The following FLRT2 variants were observed in gnomAD, a reference collection of about 807,000 sequenced individuals.
The protein encoded by FLRT2 is leucine-rich repeat transmembrane protein FLRT2.
FLRT2 carries 15 observed loss-of-function variants against 40.0 expected under a neutral mutation model. The ratio of observed to expected loss-of-function variants is 0.38; its 90% confidence interval spans 0.25 to 0.58. The LOEUF (loss-of-function observed/expected upper bound fraction) is 0.58. Among genes scored for constraint, FLRT2 ranks in the 20% least tolerant of loss-of-function variants. The pLI is 0.71. For synonymous variants in FLRT2, 380 were observed against 336.8 expected, an observed-to-expected ratio of 1.13 and a Z score of -1.41; for missense variants, 726 against 840.0, an observed-to-expected ratio of 0.86 and a Z score of 1.68.
rs1019346022 is a variant in FLRT2 at position 85,639,156 on chromosome 14, T to C, written c.*15659T>C. The C allele has an allele frequency of 6.6e-6, 1 of 152,190 alleles. No homozygotes were observed. Among genetic ancestry groups the C allele is most frequent in the Non-Finnish European group, 1.5e-5 (1 of 68,030 alleles). 9.4% of individuals were successfully genotyped at this position (152,190 alleles called of 1,614,324 possible). On this transcript the variant is annotated 3_prime_UTR_variant, in exon 2 of 2. Coordinates refer to ENST00000330753, the MANE Select transcript of FLRT2 (RefSeq NM_013231.6). ...TCTCATGATCCAGTTATTTTAAGGA[T>C]ACCTGCAGGATCCCACAGGTTTTCT...
chr14:85,647,544 T>G lies in FLRT2; in HGVS notation c.*24047T>G, dbSNP rs1436470938. ...TTTCTCTTCCAAGAGGACACAACAA[T>G]GATTCATTTGAACTCTATGATTGCC... On this transcript the variant is annotated 3_prime_UTR_variant, in exon 2 of 2. Coordinates refer to ENST00000330753, the MANE Select transcript of FLRT2 (RefSeq NM_013231.6). 3 of 152,312 alleles carry G rather than the reference T, an allele frequency of 2.0e-5. No homozygotes were observed. The East Asian group carries it at 5.8e-4, about 29-fold the overall frequency. 9.4% of individuals were successfully genotyped at this position (152,312 alleles called of 1,614,324 possible).
chr14:85,614,221 T>C (rs1441028678), intron 1 of FLRT2, among the ~76,000 whole-genome samples: 1 of 152,216 alleles, frequency 6.6e-6, no homozygotes, highest in Non-Finnish European at 1.5e-5. Context: ...TCAGGTCCTC[T>C]GTCTCCAGAG....
intron 1 of FLRT2, among the ~76,000 whole-genome samples, chr14:85,572,456 G>A (rs1890936710): frequency 6.6e-6 from 1 of 152,192 alleles, no homozygotes; most frequent in Non-Finnish European, 1.5e-5. Flanking sequence ...GACATGGGGA[G>A]CAGGACAGTA....
chr14:85,544,108 A>AT (rs562012765), intron 1 of FLRT2, among the ~76,000 whole-genome samples: 219 of 152,226 alleles, frequency 1.4e-3, no homozygotes, highest in African/African-American at 5.0e-3. Flanking sequence ...CCTCAGAAGT[A>AT]TTTTTTTATT....
chr14:85,581,876 G>A (rs1041271328), intron 1 of FLRT2, among the ~76,000 whole-genome samples: 1 of 152,142 alleles, frequency 6.6e-6, no homozygotes, highest in African/African-American at 2.4e-5. Flanking sequence ...TCCACCCACA[G>A]TTAGGACATG....
intron 1 of FLRT2, among the ~76,000 whole-genome samples, chr14:85,551,179 A>G (rs763005064): frequency 1.3e-5 from 2 of 152,184 alleles, no homozygotes; most frequent in Non-Finnish European, 2.9e-5. Context: ...GTTTACCAGA[A>G]CTCCTAAAGA....
chr14:85,620,221 T>A (rs1359269351), intron 1 of FLRT2, among the ~76,000 whole-genome samples: 1 of 152,238 alleles, frequency 6.6e-6, no homozygotes, highest in Non-Finnish European at 1.5e-5. Flanking sequence ...TACTACTTTT[T>A]TTTCTTTGAA....
At position 85,652,791 on chromosome 14, in the gene FLRT2, C is replaced by CT. The variant is rs544079289; in HGVS notation, c.*29299dup. 1.8e-3 allele frequency: 271 copies of CT among 151,792 alleles called. No homozygotes were observed. The highest frequency in any genetic ancestry group is 6.2e-3 in the African/African-American group (259 of 41,528). The allele number at this position is 151,792 out of a possible 1,614,324, so 9.4% of individuals were successfully genotyped here. On this transcript the variant is annotated 3_prime_UTR_variant, in exon 2 of 2. Coordinates refer to ENST00000330753, the MANE Select transcript of FLRT2 (RefSeq NM_013231.6). ...AATCCAGAAATTATCAATGAGTTTT[C>CT]TTTTTCTATTATTTAAAAAAGTTTT...
Position 85,625,739 on chromosome 14 carries a change from C to T in FLRT2, c.*2242C>T. On this transcript the variant is annotated 3_prime_UTR_variant, in exon 2 of 2. Transcript: ENST00000330753. ...TTTGTGTACTTAGCTGGATAATTCC[C>T]TTCTACTGTCCTCTTCCCCTTGGCT... 1 of 167,176 alleles carries T rather than the reference C, an allele frequency of 6.0e-6. No homozygotes were observed. 10.4% of individuals were successfully genotyped at this position (167,176 alleles called of 1,614,324 possible). A position where few individuals can be genotyped will look rare whatever the true frequency, so the allele number is the denominator to read the frequency against.
Position 85,646,480 on chromosome 14 carries a change from AG to A in FLRT2, c.*22985del, listed in dbSNP as rs1894307534. The A allele has an allele frequency of 6.6e-6, 1 of 152,228 alleles. No homozygotes were observed. Among genetic ancestry groups the A allele is most frequent in the Non-Finnish European group, 1.5e-5 (1 of 68,046 alleles). 9.4% of individuals were successfully genotyped at this position (152,228 alleles called of 1,614,324 possible). A position where few individuals can be genotyped will look rare whatever the true frequency, so the allele number is the denominator to read the frequency against. Reference sequence around the variant, plus strand: ...CAAATCATGAGAAGGAAGGGAGGAAAGGATGAAGTAGGTTTGCAGTCCTCTT... The same window carrying A: ...CAAATCATGAGAAGGAAGGGAGGAAAGATGAAGTAGGTTTGCAGTCCTCTT... On this transcript the variant is annotated 3_prime_UTR_variant, in exon 2 of 2. Coordinates refer to ENST00000330753, the MANE Select transcript of FLRT2 (RefSeq NM_013231.6).
chr14:85,577,020 G>A (rs984446108), intron 1 of FLRT2, among the ~76,000 whole-genome samples: 3 of 152,178 alleles, frequency 2.0e-5, no homozygotes, highest in Non-Finnish European at 2.9e-5. Flanking sequence ...ATTTGTCAGT[G>A]AACTGTGAAG....
At position 85,622,832 on chromosome 14, in the gene FLRT2, A is replaced by C. The variant is rs1241708507; in HGVS notation, c.1318A>C (p.Ser440Arg). ...HFVNDTSIQV[S>R]WLSLFTVMAY... ...TGTGAATGATACTTCCATTCAAGTC[A>C]GCTGGCTCTCTCTCTTCACCGTGAT... Residue 440 changes from serine (S) to arginine (R), a missense_variant, in exon 2 of 2, where the codon AGC (serine) becomes CGC (arginine). Physicochemically the swap from Ser to Arg is moderately radical, Grantham distance 110. This residue lies in a region of FLRT2 where 611 missense variants were observed against 690.0 expected (regional missense o/e 0.89). Coordinates refer to ENST00000330753, the MANE Select transcript of FLRT2 (RefSeq NM_013231.6). The C allele has an allele frequency of 6.2e-7, 1 of 1,614,198 alleles. No individual in the cohort carries two copies. The highest frequency in any genetic ancestry group is 8.5e-7 in the Non-Finnish European group (1 of 1,180,040).
At chr14:85,605,314 C>A (rs565921429) in intron 1 of FLRT2, among the ~76,000 whole-genome samples, 4 of 152,134 alleles carry the variant, frequency 2.6e-5, no homozygotes, top group Non-Finnish European at 5.9e-5. Context: ...GTGCTCAACA[C>A]TTTTGCTTGA....
At position 85,647,199 on chromosome 14, in the gene FLRT2, A is replaced by G. The variant is rs983889156; in HGVS notation, c.*23702A>G. The G allele has an allele frequency of 2.0e-5, 3 of 152,104 alleles. No individual in the cohort carries two copies. The highest frequency in any genetic ancestry group is 2.0e-4 in the Admixed American group (3 of 15,264). The allele number at this position is 152,104 out of a possible 1,614,324, so 9.4% of individuals were successfully genotyped here. A position where few individuals can be genotyped will look rare whatever the true frequency, so the allele number is the denominator to read the frequency against. On this transcript the variant is annotated 3_prime_UTR_variant, in exon 2 of 2. Transcript: ENST00000330753. ...ATATAGCATGTTATGAATGTTAGGC[A>G]TATTTTGGTCTTTCCTTTCTATCTA...
chr14:85,645,684 C>T lies in FLRT2; in HGVS notation c.*22187C>T, dbSNP rs896117809. ...CAGAAGATCTTCCTAGTTGAGGAAT[C>T]TTTCAGAGATTCAGTAGATAAGGTG... On this transcript the variant is annotated 3_prime_UTR_variant, in exon 2 of 2. Transcript: ENST00000330753. 1 of 152,166 alleles carries T rather than the reference C, an allele frequency of 6.6e-6. No homozygotes were observed. The highest frequency in any genetic ancestry group is 1.5e-5 in the Non-Finnish European group (1 of 68,028). The allele number at this position is 152,166 out of a possible 1,614,324, so 9.4% of individuals were successfully genotyped here. A position where few individuals can be genotyped will look rare whatever the true frequency, so the allele number is the denominator to read the frequency against.
chr14:85,592,861 A>G (rs1891964434), intron 1 of FLRT2, among the ~76,000 whole-genome samples: 2 of 151,978 alleles, frequency 1.3e-5, no homozygotes, highest in African/African-American at 4.8e-5. Context: ...CATACAGGAT[A>G]CCATGCAGAG....
intron 1 of FLRT2, among the ~76,000 whole-genome samples, chr14:85,616,147 T>A (rs1416388956): frequency 6.6e-6 from 1 of 152,104 alleles, no homozygotes; most frequent in African/African-American, 2.4e-5. Context: ...AAGAGCATTT[T>A]TTTTGCATGT....
chr14:85,611,388 A>G (rs1892850739), intron 1 of FLRT2, among the ~76,000 whole-genome samples: 1 of 152,212 alleles, frequency 6.6e-6, no homozygotes, highest in Admixed American at 6.5e-5. Context: ...GCTTTTCTAG[A>G]GAGGGTTGCG....
chr14:85,638,699 G>A lies in FLRT2; in HGVS notation c.*15202G>A, dbSNP rs956067099. On this transcript the variant is annotated 3_prime_UTR_variant, in exon 2 of 2. Coordinates refer to ENST00000330753, the MANE Select transcript of FLRT2 (RefSeq NM_013231.6). Reference sequence around the variant, plus strand: ...GGCCCAAGGGATTTCTTTACTTATTGAGCAGAGCGAAGTAACATTAATTTG... The same window carrying A: ...GGCCCAAGGGATTTCTTTACTTATTAAGCAGAGCGAAGTAACATTAATTTG... The A allele has an allele frequency of 2.0e-5, 3 of 152,124 alleles. No individual in the cohort carries two copies. Among genetic ancestry groups the A allele is most frequent in the Non-Finnish European group, 4.4e-5 (3 of 68,042 alleles). The allele number at this position is 152,124 out of a possible 1,614,324, so 9.4% of individuals were successfully genotyped here.
Sources: gnomAD v4.1 joint callset for allele counts (sites outside exome capture counted in the v4.1 genomes callset) on GRCh38, gnomAD v4.1.1 for gene constraint, gnomAD v4.1.1 regional missense constraint, MANE v1.5 for transcripts, NCBI Gene and HGNC (gene_info 2026-07-23, HGNC 2026-07-21) for gene names.